Variants in KANSL1 observed in about 807,000 individuals in gnomAD.
KANSL1 encodes KAT8 regulatory NSL complex subunit 1.
A neutral mutation model predicts 103.6 loss-of-function variants in KANSL1; 22 were observed. That is an observed-to-expected ratio of 0.21 (90% CI 0.15 to 0.30). KANSL1 has a LOEUF of 0.30. KANSL1 is among the 10% of genes least tolerant of loss of function. The pLI is 1.00. For synonymous variants in KANSL1, 600 were observed against 527.6 expected (o/e 1.14, Z -1.88); for missense variants, 1,337 against 1,399.8 (o/e 0.96, Z 0.72).
intron 1 of KANSL1, among the ~76,000 whole-genome samples, chr17:46,201,537 C>T (rs1278794390): frequency 6.6e-6 from 1 of 152,152 alleles, no homozygotes; most frequent in Non-Finnish European, 1.5e-5. Flanking sequence ...TCTGAACCAT[C>T]AGAAACACTG....
intron 1 of KANSL1, among the ~76,000 whole-genome samples, chr17:46,211,645 A>G (rs925930917): frequency 1.3e-5 from 2 of 152,296 alleles, no homozygotes; most frequent in Non-Finnish European, 2.9e-5. Context: ...AGGAGGTTTC[A>G]CTGGAGATTA....
upstream of KANSL1, among the ~76,000 whole-genome samples, chr17:46,198,888 C>G (rs1471460613): frequency 6.6e-6 from 1 of 152,170 alleles, no homozygotes; most frequent in Non-Finnish European, 1.5e-5. Context: ...ACTTCAAATA[C>G]ATTTAATTCA....
intron 1 of KANSL1, among the ~76,000 whole-genome samples, chr17:46,180,829 G>C (rs940985650): frequency 3.3e-5 from 5 of 152,100 alleles, no homozygotes; most frequent in Non-Finnish European, 7.3e-5. Flanking sequence ...GCGAGATCGA[G>C]TCTCTGAAAA....
intron 2 of KANSL1, among the ~76,000 whole-genome samples, chr17:46,138,657 C>CA (rs2044272071): frequency 6.6e-6 from 1 of 152,240 alleles, no homozygotes; most frequent in African/African-American, 2.4e-5. Context: ...TAATGGCTTT[C>CA]AGTTCTGTAA....
At chr17:46,187,063 A>C (rs919776659) in intron 1 of KANSL1, among the ~76,000 whole-genome samples, 6 of 152,012 alleles carry the variant, frequency 3.9e-5, no homozygotes, top group Admixed American at 1.3e-4. Context: ...TGTCTCTCCT[A>C]TACTAGAAAC....
intron 10 of KANSL1, among the ~76,000 whole-genome samples, chr17:46,036,359 G>C (rs181321028): frequency 4.6e-5 from 7 of 152,244 alleles, no homozygotes; most frequent in African/African-American, 9.6e-5. Context: ...TTCTTTACTT[G>C]ATTTCAAGGA....
At chr17:46,107,282 C>G (rs944208238) in intron 2 of KANSL1, among the ~76,000 whole-genome samples, 4 of 152,206 alleles carry the variant, frequency 2.6e-5, no homozygotes, top group Non-Finnish European at 5.9e-5. Context: ...TTTCTTTTTA[C>G]GGCAAATACT....
intron 10 of KANSL1, among the ~76,000 whole-genome samples, chr17:46,037,153 T>C (rs939054143): frequency 1.3e-5 from 2 of 152,160 alleles, no homozygotes; most frequent in Non-Finnish European, 2.9e-5. Flanking sequence ...AAGTTAACAT[T>C]CTCCAGACAC....
chr17:46,208,309 G>T (rs1359486995), intron 1 of KANSL1, among the ~76,000 whole-genome samples: 1 of 152,002 alleles, frequency 6.6e-6, no homozygotes, highest in East Asian at 2.0e-4. Flanking sequence ...TTCCCCAAAA[G>T]AGATATATAG....
chr17:46,084,697 T>TAAAAAAAAAAAAAAAA, intron 3 of KANSL1, among the ~76,000 whole-genome samples: 1 of 74,508 alleles, frequency 1.3e-5, no homozygotes, highest in African/African-American at 5.6e-5. Flanking sequence ...TTTTAAAAAT[T>TAAAAAAAAAAAAAAAA]AAAAAAAAAA....
intron 2 of KANSL1, among the ~76,000 whole-genome samples, chr17:46,113,190 T>C (rs1365116335): frequency 6.6e-6 from 1 of 152,208 alleles, no homozygotes; most frequent in Admixed American, 6.5e-5. Flanking sequence ...GACAGTTTCC[T>C]ACAAGAAAAT....
rs893744628 is a variant in KANSL1, at chr17:46,193,248, T to C, written c.-515A>G. On this transcript the variant is annotated 5_prime_UTR_variant, in exon 1 of 15. Coordinates refer to ENST00000432791, the MANE Select transcript of KANSL1 (RefSeq NM_015443.4). ...AGGCCGCCACCCCCGGCCGCCTCTT[T>C]CCAGCCGGGGAGCGCGCTTCAGCCG... 2.2e-4 allele frequency: 33 copies of C among 152,502 alleles called. No individual in the cohort carries two copies. The highest frequency in any genetic ancestry group is 7.8e-4 in the African/African-American group (32 of 41,246). The allele number at this position is 152,502 out of a possible 1,614,324, so 9.4% of individuals were successfully genotyped here. A position where few individuals can be genotyped will look rare whatever the true frequency, so the allele number is the denominator to read the frequency against.
chr17:46,121,622 C>A (rs1222940579), intron 2 of KANSL1, among the ~76,000 whole-genome samples: 4 of 152,156 alleles, frequency 2.6e-5, no homozygotes, highest in Admixed American at 2.6e-4. Flanking sequence ...TTCTGCATAG[C>A]ATTTGCTGCA....
At chr17:46,083,936 A>G (rs113788190) in intron 3 of KANSL1, among the ~76,000 whole-genome samples, 21,760 of 152,174 alleles carry the variant, frequency 0.14, 2,131 homozygotes, top group Non-Finnish European at 0.22. Context: ...TATGAAATAC[A>G]AGCTGCAGAA....
At position 46,132,138 on chromosome 17, in the gene KANSL1, A is replaced by G. The variant is rs1172755891; in HGVS notation, c.1290-37437T>C. Among the ~76,000 whole-genome samples the G allele has an allele frequency of 2.6e-5, 4 of 152,304 alleles. No homozygotes were observed. In the East Asian group the frequency reaches 7.7e-4, roughly 29 times the overall value. On this transcript the variant is annotated intron_variant, in intron 2 of 14. Coordinates refer to ENST00000432791, the MANE Select transcript of KANSL1 (RefSeq NM_015443.4). ...GCAAAACTCCATCTCAAAAAAAAAA[A>G]AGTAAAATGAGTATACAGGAGTCCT... is the stretch of plus-strand genomic sequence containing the variant.
chr17:46,223,791 T>C (rs999677439), upstream of KANSL1: 2 of 152,448 alleles, frequency 1.3e-5, no homozygotes, highest in African/African-American at 2.4e-5. Flanking sequence ...AAATCTTTTG[T>C]TTCGAGAAGG....
At chr17:46,188,817 G>C (rs2047157594) in intron 1 of KANSL1, among the ~76,000 whole-genome samples, 1 of 151,994 alleles carries the variant, frequency 6.6e-6, no homozygotes, top group Admixed American at 6.5e-5. Flanking sequence ...GATCACCTGA[G>C]GTCCGGAGTT....
At chr17:46,134,052 G>A (rs1411322882) in intron 2 of KANSL1, among the ~76,000 whole-genome samples, 1 of 152,182 alleles carries the variant, frequency 6.6e-6, no homozygotes, top group Non-Finnish European at 1.5e-5. Context: ...GGATGGAAGG[G>A]TACAGTGGAA....
intron 1 of KANSL1, among the ~76,000 whole-genome samples, chr17:46,203,938 G>A (rs1258237650): frequency 2.0e-5 from 3 of 152,190 alleles, no homozygotes; most frequent in African/African-American, 7.2e-5. Context: ...CTACTTGGGA[G>A]GCTGAGGTGG....
Sources: gnomAD v4.1 joint callset for allele counts (sites outside exome capture counted in the v4.1 genomes callset) on GRCh38, gnomAD v4.1.1 for gene constraint, MANE v1.5 for transcripts, NCBI Gene and HGNC (gene_info 2026-07-23, HGNC 2026-07-21) for gene names.